Variants in VAV3 observed in about 807,000 individuals in gnomAD.
VAV3 encodes guanine nucleotide exchange factor VAV3.
VAV3 carries 94 observed loss-of-function variants against 131.2 expected under a neutral mutation model. The ratio of observed to expected loss-of-function variants is 0.72; its 90% CI spans 0.61 to 0.85. The LOEUF is 0.85. Ranked by LOEUF, VAV3 falls within the 40% of genes least tolerant of loss-of-function variation. VAV3 has a pLI of 0.00. For synonymous variants in VAV3, 349 were observed against 342.0 expected (o/e 1.02, Z -0.22); for missense variants, 939 against 1,002.7 (o/e 0.94, Z 0.86).
chr1:107,719,858 A>C (rs1218139448), intron 15 of VAV3, among the ~76,000 whole-genome samples: 1 of 152,238 alleles, frequency 6.6e-6, no homozygotes, highest in African/African-American at 2.4e-5. Context: ...GCACATATAC[A>C]CCATGGAATA....
At chr1:107,764,761 C>T (rs535197012) in intron 9 of VAV3, among the ~76,000 whole-genome samples, 25 of 152,104 alleles carry the variant, frequency 1.6e-4, no homozygotes, top group Non-Finnish European at 2.9e-4. Flanking sequence ...TTACTATCTA[C>T]GCAAGTTATT....
At position 107,922,387 on chromosome 1, in the gene VAV3, A is replaced by G. The variant is rs540667365; in HGVS notation, c.204+42279T>C. Reference sequence around the variant, plus strand: ...TACCAAAGTTAAAAACTGAAAGTCTATTATCTAACAGAAATAGCAATATCC... The same window carrying G: ...TACCAAAGTTAAAAACTGAAAGTCTGTTATCTAACAGAAATAGCAATATCC... On this transcript the variant is annotated intron_variant, in intron 1 of 26. Transcript: ENST00000370056. Among the ~76,000 whole-genome samples the G allele has an allele frequency of 6.6e-5, 10 of 152,304 alleles. No homozygotes were observed. In the South Asian group the frequency reaches 2.1e-3, roughly 32 times the overall value.
intron 20 of VAV3, among the ~76,000 whole-genome samples, chr1:107,632,659 G>A (rs1654590608): frequency 6.6e-6 from 1 of 152,204 alleles, no homozygotes; most frequent in African/African-American, 2.4e-5. Context: ...CTGCTGGCAA[G>A]CAAAATGATT....
chr1:107,946,038 C>T (rs1674246844), intron 1 of VAV3, among the ~76,000 whole-genome samples: 1 of 151,926 alleles, frequency 6.6e-6, no homozygotes, highest in Non-Finnish European at 1.5e-5. Flanking sequence ...CAGCAGGGTC[C>T]ATACTCCAAG....
chr1:107,689,088 C>T (rs1258011487), intron 17 of VAV3, among the ~76,000 whole-genome samples: 2 of 152,114 alleles, frequency 1.3e-5, no homozygotes, highest in Non-Finnish European at 2.9e-5. Context: ...CAAATGCGTA[C>T]TATAGTAGAA....
At chr1:107,793,585 C>T (rs1666403364) in intron 2 of VAV3, among the ~76,000 whole-genome samples, 1 of 152,114 alleles carries the variant, frequency 6.6e-6, no homozygotes, top group South Asian at 2.1e-4. Context: ...AGACACAATG[C>T]AAGCAAACAC....
intron 2 of VAV3, among the ~76,000 whole-genome samples, chr1:107,788,370 A>G (rs1666127626): frequency 6.6e-6 from 1 of 151,792 alleles, no homozygotes; most frequent in Non-Finnish European, 1.5e-5. Flanking sequence ...CACTCTCCAC[A>G]CACTCCCATG....
chr1:107,772,907 A>G (rs1194752871), intron 4 of VAV3, 64 bp from the exon 5 acceptor site: 11 of 1,359,634 alleles, frequency 8.1e-6, no homozygotes, highest in Non-Finnish European at 9.2e-6. Flanking sequence ...AGCTACAAAT[A>G]GCCTACTGGA....
At chr1:107,629,730 GAAGT>G (rs1045840347) in intron 20 of VAV3, among the ~76,000 whole-genome samples, 1 of 152,156 alleles carries the variant, frequency 6.6e-6, no homozygotes, top group Non-Finnish European at 1.5e-5. Context: ...TTGTTTGAAA[GAAGT>G]AATAATGAAA....
chr1:107,880,774 CAACA>C (rs1670731139), intron 1 of VAV3, among the ~76,000 whole-genome samples: 1 of 144,464 alleles, frequency 6.9e-6, no homozygotes, highest in South Asian at 2.2e-4. Flanking sequence ...CCAGCCTGGG[CAACA>C]AAGTGAGATT....
At chr1:107,798,948 AT>A (rs2102295834) in intron 2 of VAV3, among the ~76,000 whole-genome samples, 1 of 152,154 alleles carries the variant, frequency 6.6e-6, no homozygotes, top group South Asian at 2.1e-4. Context: ...TGATTTTCAA[AT>A]TTTTTTCTTT....
intron 2 of VAV3, among the ~76,000 whole-genome samples, chr1:107,831,342 CTGTT>C (rs910176651): frequency 6.6e-6 from 1 of 152,080 alleles, no homozygotes; most frequent in Non-Finnish European, 1.5e-5. Context: ...TGAATTAAAA[CTGTT>C]TTCGTGTCAT....
At chr1:107,786,926 G>C (rs544503437) in intron 2 of VAV3, among the ~76,000 whole-genome samples, 1 of 152,058 alleles carries the variant, frequency 6.6e-6, no homozygotes, top group African/African-American at 2.4e-5. Context: ...AGATCCCTTT[G>C]AGAGTATGAT....
At chr1:107,642,252 A>G (rs533550046) in intron 20 of VAV3, among the ~76,000 whole-genome samples, 35 of 152,254 alleles carry the variant, frequency 2.3e-4, no homozygotes, top group African/African-American at 7.9e-4. Context: ...GCAGTAAAGA[A>G]GCCGGCTAAA....
intron 15 of VAV3, among the ~76,000 whole-genome samples, chr1:107,739,891 G>C (rs56949608): frequency 0.027 from 4,082 of 152,278 alleles, 192 homozygotes; most frequent in African/African-American, 0.091. Context: ...GTTTTCCTTA[G>C]TATGCCCTCC....
At chr1:107,712,012 T>C (rs1660817751) in intron 15 of VAV3, among the ~76,000 whole-genome samples, 1 of 152,182 alleles carries the variant, frequency 6.6e-6, no homozygotes. Context: ...AAAAGCCGCA[T>C]AGCAAGCTCC....
At chr1:107,856,896 G>A (rs1669496905) in intron 2 of VAV3, among the ~76,000 whole-genome samples, 1 of 152,084 alleles carries the variant, frequency 6.6e-6, no homozygotes, top group African/African-American at 2.4e-5. Flanking sequence ...AATTAGCTGG[G>A]TGTGGTGTTG....
intron 15 of VAV3, among the ~76,000 whole-genome samples, chr1:107,705,986 A>T (rs1373843303): frequency 6.6e-6 from 1 of 152,146 alleles, no homozygotes; most frequent in African/African-American, 2.4e-5. Context: ...AAAACATTTA[A>T]CTTTTTTTTT....
chr1:107,698,610 T>C (rs1476957376), intron 17 of VAV3, among the ~76,000 whole-genome samples: 2 of 152,028 alleles, frequency 1.3e-5, no homozygotes, highest in Non-Finnish European at 2.9e-5. Flanking sequence ...TAAATAGGGG[T>C]ATTTGCTTAA....
Sources: gnomAD v4.1 joint callset for allele counts (sites outside exome capture counted in the v4.1 genomes callset) on GRCh38, gnomAD v4.1.1 for gene constraint, MANE v1.5 for transcripts, NCBI Gene and HGNC (gene_info 2026-07-23, HGNC 2026-07-21) for gene names.